VWA3B: variants seen among roughly 807,000 people sequenced by gnomAD.
The protein encoded by VWA3B is von Willebrand factor A domain containing 3B, also known as von Willebrand factor A domain-containing protein 3B.
In VWA3B, 138 loss-of-function variants were observed where a neutral mutation model predicts 158.3. That is an observed-to-expected ratio of 0.87 (90% CI 0.76 to 1.00). The LOEUF (loss-of-function observed/expected upper bound fraction) is 1.00. Among genes scored for constraint, VWA3B ranks in the 50% least tolerant of loss-of-function variants. The pLI is 0.00. For synonymous variants in VWA3B, 596 were observed against 587.3 expected, an observed-to-expected ratio of 1.01 and a Z score of -0.21; for missense variants, 1,555 against 1,565.1, an observed-to-expected ratio of 0.99 and a Z score of 0.11.
chr2:98,237,711 A>G (rs1685796650), intron 19 of VWA3B, among the ~76,000 whole-genome samples: 1 of 152,240 alleles, frequency 6.6e-6, no homozygotes, highest in Admixed American at 6.5e-5. Context: ...CCAGGCAAAT[A>G]CAACAGCAAC....
intron 8 of VWA3B, among the ~76,000 whole-genome samples, chr2:98,176,265 CT>C: frequency 6.6e-6 from 1 of 151,060 alleles, no homozygotes; most frequent in East Asian, 2.0e-4. Flanking sequence ...TCCTTCCTTC[CT>C]TTCTTCTGTC....
At chr2:98,303,620 T>G in intron 25 of VWA3B, 82 bp from the exon 26 acceptor site, 7 of 1,301,918 alleles carry the variant, frequency 5.4e-6, no homozygotes, top group Non-Finnish European at 7.7e-6. Flanking sequence ...GCTATTATAA[T>G]GGGTTGAGCT....
At chr2:98,319,774 G>A in the VWA3B span, among the ~76,000 whole-genome samples, 7 of 151,664 alleles carry the variant, frequency 4.6e-5, no homozygotes, top group Non-Finnish European at 1.0e-4. Flanking sequence ...TAGCTACTTG[G>A]GAGGCTGAGG....
chr2:98,181,245 G>T lies in VWA3B; in HGVS notation c.1311+33G>T, dbSNP rs574831406. 14 of 1,602,170 alleles carry T rather than the reference G, an allele frequency of 8.7e-6. No homozygotes were observed. The South Asian group carries it at 1.1e-4, about 13-fold the overall frequency. ...AAGTGCACTCCTGGGAGGGGCTGGG[G>T]CCTCCCCTCAAGTCCTGGGTGGGTG... On this transcript the variant is annotated intron_variant, in intron 9 of 27. Transcript: ENST00000477737.
intron 20 of VWA3B, among the ~76,000 whole-genome samples, chr2:98,251,673 G>C (rs990007738): frequency 6.6e-6 from 1 of 152,192 alleles, no homozygotes; most frequent in African/African-American, 2.4e-5. Context: ...CCAGGCCAGC[G>C]TATGTTGGTC....
intron 7 of VWA3B, among the ~76,000 whole-genome samples, chr2:98,156,988 T>G (rs1033748683): frequency 9.2e-5 from 14 of 152,212 alleles, no homozygotes; most frequent in African/African-American, 3.4e-4. Context: ...GGTTCATTTT[T>G]GGGTTTTCTA....
At chr2:98,223,477 T>C (rs905165914) in intron 14 of VWA3B, among the ~76,000 whole-genome samples, 7 of 151,852 alleles carry the variant, frequency 4.6e-5, no homozygotes, top group East Asian at 1.9e-4. Context: ...TATACAAATA[T>C]ACAGATTCAA....
intron 12 of VWA3B, among the ~76,000 whole-genome samples, chr2:98,208,114 C>A (rs974567207): frequency 2.0e-5 from 3 of 151,304 alleles, no homozygotes; most frequent in African/African-American, 7.3e-5. Flanking sequence ...TCCTAATGTC[C>A]CTTTTTGTCC....
chr2:98,114,620 T>C (rs1476680492), intron 2 of VWA3B, among the ~76,000 whole-genome samples: 1 of 152,186 alleles, frequency 6.6e-6, no homozygotes, highest in Non-Finnish European at 1.5e-5. Context: ...CCATTCTGTC[T>C]CCCACCTTTG....
At chr2:98,264,599 C>T (rs114580960) in intron 21 of VWA3B, among the ~76,000 whole-genome samples, 2 of 151,966 alleles carry the variant, frequency 1.3e-5, no homozygotes, top group Admixed American at 6.6e-5. Context: ...TTTCAACTTT[C>T]TTTTTTTAAA....
intron 22 of VWA3B, among the ~76,000 whole-genome samples, chr2:98,286,980 C>A (rs942738300): frequency 4.6e-5 from 7 of 152,196 alleles, no homozygotes; most frequent in African/African-American, 1.7e-4. Flanking sequence ...GGATTTCACT[C>A]CACCTTCTCA....
intron 4 of VWA3B, among the ~76,000 whole-genome samples, chr2:98,120,820 T>G (rs920385724): frequency 1.3e-5 from 2 of 152,110 alleles, no homozygotes; most frequent in East Asian, 1.9e-4. Flanking sequence ...CCAGTATTAA[T>G]CCAAAAGAAG....
intron 6 of VWA3B, among the ~76,000 whole-genome samples, chr2:98,129,766 C>G (rs1432419498): frequency 2.0e-5 from 3 of 152,144 alleles, no homozygotes; most frequent in Admixed American, 1.3e-4. Flanking sequence ...TCTGTGGTTA[C>G]AAGGAGAATT....
At chr2:98,096,956 A>G (rs1682758796) in intron 2 of VWA3B, among the ~76,000 whole-genome samples, 1 of 151,982 alleles carries the variant, frequency 6.6e-6, no homozygotes, top group Non-Finnish European at 1.5e-5. Flanking sequence ...TTTATTTGAG[A>G]TATATTTGAG....
chr2:98,300,004 T>C (rs1690073398), intron 24 of VWA3B, 75 bp from the exon 25 acceptor site: 1 of 1,586,656 alleles, frequency 6.3e-7, no homozygotes, highest in Non-Finnish European at 8.6e-7. Flanking sequence ...CCTTGGAGTA[T>C]TTTAAAACTT....
intron 9 of VWA3B, among the ~76,000 whole-genome samples, chr2:98,181,427 T>A (rs1423142854): frequency 6.6e-6 from 1 of 152,118 alleles, no homozygotes; most frequent in African/African-American, 2.4e-5. Flanking sequence ...GTTCTAGACA[T>A]CAGTGAGTTG....
intron 22 of VWA3B, among the ~76,000 whole-genome samples, chr2:98,281,503 T>A (rs1476939354): frequency 6.6e-6 from 1 of 152,146 alleles, no homozygotes; most frequent in Non-Finnish European, 1.5e-5. Context: ...GGAAAAGTAT[T>A]TAGTAGTGGG....
chr2:98,327,270 G>T, the VWA3B span, among the ~76,000 whole-genome samples: 1 of 152,006 alleles, frequency 6.6e-6, no homozygotes, highest in South Asian at 2.1e-4. Flanking sequence ...TCCGGCCTGG[G>T]CAACAGAGCA....
At chr2:98,218,624 A>G (rs2105606834) in intron 14 of VWA3B, among the ~76,000 whole-genome samples, 1 of 152,382 alleles carries the variant, frequency 6.6e-6, no homozygotes, top group East Asian at 1.9e-4. Context: ...GAGAAAGCAA[A>G]TAAAATTCTG....
Sources: allele counts gnomAD v4.1 joint callset (sites outside exome capture counted in the v4.1 genomes callset), GRCh38; gene constraint gnomAD v4.1.1; transcripts MANE v1.5; gene names NCBI Gene and HGNC (gene_info 2026-07-23, HGNC 2026-07-21).